The following DIP2A variants were observed in gnomAD, a reference collection of about 807,000 sequenced individuals.
DIP2A encodes the protein disco-interacting protein 2 homolog A.
DIP2A carries 85 observed loss-of-function variants against 177.4 expected under a neutral mutation model. That is an observed-to-expected ratio of 0.48 (90% CI 0.40 to 0.57). The LOEUF (loss-of-function observed/expected upper bound fraction) is 0.57, where lower values mean the gene tolerates loss of function less well. Ranked by LOEUF, DIP2A falls within the 20% of genes least tolerant of loss-of-function variation. The probability of loss-of-function intolerance (pLI) is 0.00; values close to 1 mark genes in which losing one functional copy is unlikely to be tolerated. For missense variants in DIP2A, 1,791 were observed against 2,100.2 expected (o/e 0.85, Z 2.88); for synonymous variants, 886 against 881.8 (o/e 1.00, Z -0.08).
chr21:46,484,190 G>A (rs1054641338), intron 1 of DIP2A, among the ~76,000 whole-genome samples: 1 of 152,164 alleles, frequency 6.6e-6, no homozygotes, highest in African/African-American at 2.4e-5. Flanking sequence ...TGCGGATTTG[G>A]ATTCTGTCAG....
At chr21:46,522,987 G>A (rs141358454) in intron 8 of DIP2A, among the ~76,000 whole-genome samples, 1,866 of 151,860 alleles carry the variant, frequency 0.012, 20 homozygotes, top group Non-Finnish European at 0.02. Context: ...GTGTAATGGC[G>A]CGATCTCAGG....
rs368596513 is a variant in DIP2A at position 46,560,846 on chromosome 21, C to A, written c.4031+63C>A. ...AGTGGCAAAGTGATGCAAACCAGGT[C>A]TGCACTGACTATGCACCCCCGGGAC... On this transcript the variant is annotated intron_variant, in intron 33 of 37. Transcript: ENST00000417564. The A allele has an allele frequency of 1.6e-5, 25 of 1,555,336 alleles. No homozygotes were observed. The East Asian group carries it at 5.3e-4, about 33-fold the overall frequency.
intron 8 of DIP2A, among the ~76,000 whole-genome samples, chr21:46,523,820 G>A (rs1295132928): frequency 1.3e-5 from 2 of 152,204 alleles, no homozygotes; most frequent in Non-Finnish European, 2.9e-5. Context: ...ACCTCCGCGT[G>A]GTTACAAGTC....
chr21:46,560,022 C>T (rs978051096), intron 32 of DIP2A, among the ~76,000 whole-genome samples: 2 of 152,156 alleles, frequency 1.3e-5, no homozygotes, highest in Admixed American at 6.5e-5. Flanking sequence ...CCCTTGTAAC[C>T]AAATTTAAAA....
At chr21:46,511,198 T>C (rs1358790148) in intron 7 of DIP2A, among the ~76,000 whole-genome samples, 1 of 152,164 alleles carries the variant, frequency 6.6e-6, no homozygotes, top group Non-Finnish European at 1.5e-5. Flanking sequence ...TGGTGGGTTG[T>C]TTTTAACTTT....
intron 5 of DIP2A, among the ~76,000 whole-genome samples, chr21:46,502,179 G>A (rs1194004618): frequency 1.3e-5 from 2 of 152,114 alleles, no homozygotes; most frequent in East Asian, 1.9e-4. Flanking sequence ...TCTGTGGCCC[G>A]GGCTAGAGTG....
intron 8 of DIP2A, among the ~76,000 whole-genome samples, chr21:46,518,629 G>A (rs1170431150): frequency 6.6e-6 from 1 of 152,160 alleles, no homozygotes; most frequent in Non-Finnish European, 1.5e-5. Flanking sequence ...GGCTGAGATG[G>A]GTGAATCACT....
At chr21:46,573,146 AAC>A (rs915830275), downstream of DIP2A, among the ~76,000 whole-genome samples, 9 of 150,820 alleles carry the variant, frequency 6.0e-5, no homozygotes, top group South Asian at 2.1e-4. Flanking sequence ...ATTAAAAAAA[AAC>A]ACAGAAGGGC....
chr21:46,527,630 AT>A (rs112647008), intron 8 of DIP2A, among the ~76,000 whole-genome samples: 5 of 149,336 alleles, frequency 3.3e-5, no homozygotes, highest in African/African-American at 7.4e-5. Flanking sequence ...CCAGTCTAGT[AT>A]TTTTTTTTTC....
chr21:46,468,272 A>AG (rs2055026873), intron 1 of DIP2A, among the ~76,000 whole-genome samples: 3 of 150,952 alleles, frequency 2.0e-5, no homozygotes, highest in Admixed American at 2.0e-4. Flanking sequence ...AAAAAAAAAA[A>AG]AAAAAAAAAG....
chr21:46,524,841 CCTT>C (rs1242387684), intron 8 of DIP2A, among the ~76,000 whole-genome samples: 1 of 146,896 alleles, frequency 6.8e-6, no homozygotes, highest in African/African-American at 2.5e-5. Flanking sequence ...CTATCAATCA[CCTT>C]CTTTTCTTTT....
Position 46,556,723 on chromosome 21 carries a change from C to A in DIP2A, c.3499-216C>A. The A allele has an allele frequency of 1.9e-6, 1 of 532,412 alleles. No homozygotes were observed. The highest frequency in any genetic ancestry group is 3.2e-6 in the Non-Finnish European group (1 of 310,022). The allele number at this position is 532,412 out of a possible 1,614,324, so 33.0% of individuals were successfully genotyped here. On this transcript the variant is annotated intron_variant, in intron 29 of 37. Coordinates refer to ENST00000417564, the MANE Select transcript of DIP2A (RefSeq NM_015151.4). The surrounding 1 kb of genome is among the most constrained non-coding windows in gnomAD (Gnocchi z 4.5). Reference sequence around the variant, plus strand: ...AAAAAAATTTTAAAAATTCATTACCCTGAAATTTTGTTTCAAAGATTTTTA... The same window carrying A: ...AAAAAAATTTTAAAAATTCATTACCATGAAATTTTGTTTCAAAGATTTTTA...
In DIP2A at chr21:46,556,066, C is replaced by G; in HGVS notation, c.3473C>G (p.Thr1158Ser). 2 of 1,613,924 alleles carry G rather than the reference C, an allele frequency of 1.2e-6. No homozygotes were observed. The highest frequency in any genetic ancestry group is 1.7e-6 in the Non-Finnish European group (2 of 1,179,832). ...GCATACTTGGACTTCAGCGTGTCAA[C>G]CACTGGGATATTAGCGGGAGTGAAG... ...VLAYLDFSVS[T>S]TGILAGVKMS... Residue 1158 changes from threonine (T) to serine (S), a missense_variant, in exon 29 of 38, where the codon ACC (threonine) becomes AGC (serine). Thr to Ser is a moderately conservative substitution (Grantham distance 58). Coordinates refer to ENST00000417564, the MANE Select transcript of DIP2A (RefSeq NM_015151.4). This position sits in a 1 kb window ranked among gnomAD's most constrained non-coding sequence, Gnocchi z 4.5.
At chr21:46,503,653 T>C (rs934313218) in intron 5 of DIP2A, among the ~76,000 whole-genome samples, 7 of 47,234 alleles carry the variant, frequency 1.5e-4, no homozygotes, top group African/African-American at 4.3e-4. Context: ...TTCTTTCTTT[T>C]TCTTTCTTTC....
At chr21:46,514,679 A>C (rs1286645736) in intron 8 of DIP2A, among the ~76,000 whole-genome samples, 1 of 123,900 alleles carries the variant, frequency 8.1e-6, no homozygotes, top group African/African-American at 3.2e-5. Flanking sequence ...CCTCCAGTAC[A>C]GTGTGAAATA....
chr21:46,484,735 C>CT, intron 1 of DIP2A, 22 bp from the exon 2 acceptor site: 1 of 1,532,048 alleles, frequency 6.5e-7, no homozygotes, highest in South Asian at 1.3e-5. Context: ...AAATGCAATT[C>CT]TTTTTTCCAT....
At chr21:46,483,645 T>C (rs926726938) in intron 1 of DIP2A, among the ~76,000 whole-genome samples, 2 of 152,238 alleles carry the variant, frequency 1.3e-5, no homozygotes, top group Non-Finnish European at 2.9e-5. Flanking sequence ...ATGTCAGATA[T>C]TCAACGGTGT....
rs762804512 is a variant in DIP2A at position 46,459,233 on chromosome 21, C to A, written c.91+11C>A. The A allele has an allele frequency of 2.6e-5, 39 of 1,520,052 alleles. No homozygotes were observed. The East Asian group carries it at 1.0e-3, about 39-fold the overall frequency. The allele number at this position is 1,520,052 out of a possible 1,614,324, so 94.2% of individuals were successfully genotyped here. Reference sequence around the variant, plus strand: ...TGGAGCTGTCGGAAGGTGAGCCGGACCCCGCCCTCAACCCCCGCGACCCGC... The same window carrying A: ...TGGAGCTGTCGGAAGGTGAGCCGGAACCCGCCCTCAACCCCCGCGACCCGC... On this transcript the variant is annotated intron_variant, in intron 1 of 37. Transcript: ENST00000417564.
At chr21:46,468,199 GA>G (rs1312590449) in intron 1 of DIP2A, among the ~76,000 whole-genome samples, 1 of 149,962 alleles carries the variant, frequency 6.7e-6, no homozygotes, top group Non-Finnish European at 1.5e-5. Context: ...CCAGGAGCCG[GA>G]GGCTGCAGTG....
Sources: gnomAD v4.1 joint callset for allele counts (sites outside exome capture counted in the v4.1 genomes callset) on GRCh38, gnomAD v4.1.1 for gene constraint, Gnocchi (gnomAD v3.1) non-coding constraint, MANE v1.5 for transcripts, NCBI Gene and HGNC (gene_info 2026-07-23, HGNC 2026-07-21) for gene names.